The following ZNF729 variants were observed in gnomAD, a reference collection of about 807,000 sequenced individuals.
The protein encoded by ZNF729 is zinc finger protein 729.
In ZNF729, 15 loss-of-function variants were observed where a neutral mutation model predicts 12.2. The ratio of observed to expected loss-of-function variants is 1.23; its 90% CI spans 0.82 to 1.89. ZNF729 has a LOEUF of 1.89. Among genes scored for constraint, ZNF729 ranks in the 40% most tolerant of loss-of-function variants. The pLI is 0.00. For missense variants in ZNF729, 1,540 were observed against 1,456.7 expected, an observed-to-expected ratio of 1.06 and a Z score of -0.93; for synonymous variants, 492 against 476.3, an observed-to-expected ratio of 1.03 and a Z score of -0.43.
intron 3 of ZNF729, among the ~76,000 whole-genome samples, chr19:22,306,534 G>GT (rs1968380265): frequency 1.4e-5 from 2 of 145,642 alleles, no homozygotes; most frequent in Admixed American, 6.8e-5. Context: ...CTCATTTCTT[G>GT]TTTAACTATT....
chr19:22,292,649 T>G (rs1013888728), intron 1 of ZNF729, among the ~76,000 whole-genome samples: 5 of 152,050 alleles, frequency 3.3e-5, no homozygotes, highest in Non-Finnish European at 7.4e-5. Context: ...CCATGTTGTT[T>G]AGGCCTGTCT....
rs1464656053 is a variant in ZNF729, at chr19:22,315,899, G to A, written c.2482G>A (p.Glu828Lys). 6.2e-7 allele frequency: 1 copy of A among 1,611,116 alleles called. No individual in the cohort carries two copies. The highest frequency in any genetic ancestry group is 1.7e-5 in the Admixed American group (1 of 59,984). ...HTGEKPCKCE[E>K]CGKAFKHFSA... ...TGGAGAGAAACCCTGCAAATGTGAA[G>A]AATGTGGCAAAGCTTTTAAGCATTT... Residue 828 changes from glutamate (E) to lysine (K), a missense_variant, in exon 4 of 4, where the codon GAA (glutamate) becomes AAA (lysine). Coordinates refer to ENST00000601693, the MANE Select transcript of ZNF729 (RefSeq NM_001242680.2).
At chr19:22,307,408 T>C (rs1254881709) in intron 3 of ZNF729, among the ~76,000 whole-genome samples, 1 of 151,360 alleles carries the variant, frequency 6.6e-6, no homozygotes, top group Non-Finnish European at 1.5e-5. Flanking sequence ...TTTACTGTTT[T>C]TAAAGTAAAA....
At chr19:22,288,253 T>C (rs808371) in intron 1 of ZNF729, among the ~76,000 whole-genome samples, 92,157 of 151,590 alleles carry the variant, frequency 0.61, 28,284 homozygotes, top group Admixed American at 0.68. Context: ...AAATATTTCC[T>C]ATGAGAAGAA....
intron 3 of ZNF729, among the ~76,000 whole-genome samples, 197 bp from the exon 4 acceptor site, chr19:22,313,469 TACTTA>T (rs1382765944): frequency 1.3e-5 from 2 of 152,200 alleles, no homozygotes; most frequent in Non-Finnish European, 2.9e-5. Context: ...TTACTTGGGG[TACTTA>T]ACTTACATAT....
chr19:22,306,461 G>A (rs941728750), intron 3 of ZNF729, among the ~76,000 whole-genome samples: 1 of 148,726 alleles, frequency 6.7e-6, no homozygotes, highest in Non-Finnish European at 1.5e-5. Flanking sequence ...GAAAAGAAAA[G>A]AAATAAAGTT....
rs1385051547 is a variant in ZNF729 at position 22,300,671 on chromosome 19, A to G, written c.31-3087A>G. ...AGAGAAGCTAGATCAGAATTCTACAAACTTCACAGGGCAGCAATCAACCAT... is the reference window on the plus strand; with the variant it reads ...AGAGAAGCTAGATCAGAATTCTACAGACTTCACAGGGCAGCAATCAACCAT... On this transcript the variant is annotated intron_variant, in intron 1 of 3. Coordinates refer to ENST00000601693, the MANE Select transcript of ZNF729 (RefSeq NM_001242680.2). Among the ~76,000 whole-genome samples the G allele has an allele frequency of 2.6e-5, 4 of 152,190 alleles. No individual in the cohort carries two copies. In the East Asian group the frequency reaches 7.7e-4, roughly 29 times the overall value.
chr19:22,301,313 C>T (rs1968301221), intron 1 of ZNF729, among the ~76,000 whole-genome samples: 1 of 152,208 alleles, frequency 6.6e-6, no homozygotes, highest in Non-Finnish European at 1.5e-5. Context: ...TATTTGCTCC[C>T]AGGTTACAGT....
chr19:22,291,498 C>G (rs60740131), intron 1 of ZNF729, among the ~76,000 whole-genome samples: 1 of 152,130 alleles, frequency 6.6e-6, no homozygotes, highest in African/African-American at 2.4e-5. Context: ...GCCAAAAACT[C>G]ACAAAAGTGT....
intron 1 of ZNF729, among the ~76,000 whole-genome samples, chr19:22,288,611 G>A (rs1390984350): frequency 3.3e-5 from 5 of 152,054 alleles, no homozygotes; most frequent in Non-Finnish European, 7.4e-5. Flanking sequence ...GAATCTCCTG[G>A]CATACTCTTC....
chr19:22,316,941 T>C lies in ZNF729; in HGVS notation c.3524T>C (p.Leu1175Pro), dbSNP rs1968555992. ...CGKAFNQSSH[L>P]TRHKTIHTGE... ...AAAGCCTTTAACCAGTCCTCACACC[T>C]TACTAGACACAAAACAATTCATACT... Residue 1175 changes from leucine (L) to proline (P), a missense_variant, in exon 4 of 4, where the codon CTT becomes CCT. Coordinates refer to ENST00000601693, the MANE Select transcript of ZNF729 (RefSeq NM_001242680.2). 1.9e-6 allele frequency: 3 copies of C among 1,613,000 alleles called. No individual in the cohort carries two copies. The highest frequency in any genetic ancestry group is 2.5e-6 in the Non-Finnish European group (3 of 1,179,988).
At chr19:22,289,509 G>A (rs1269447272) in intron 1 of ZNF729, among the ~76,000 whole-genome samples, 1 of 152,168 alleles carries the variant, frequency 6.6e-6, no homozygotes, top group African/African-American at 2.4e-5. Flanking sequence ...ACAGGTGTGA[G>A]CCACTGCGCC....
chr19:22,313,375 A>G (rs1456407281), intron 3 of ZNF729, among the ~76,000 whole-genome samples: 1 of 152,212 alleles, frequency 6.6e-6, no homozygotes, highest in Non-Finnish European at 1.5e-5. Flanking sequence ...TAAAGAGCCT[A>G]TGCTATTTTT....
rs575832547 is a variant in ZNF729, at chr19:22,305,605, C to G, written c.253+822C>G. ...TATCAATTTTTGTCTCATACTAGTA[C>G]TTGACTTAAAGCATATTGTGTCCAA... On this transcript the variant is annotated intron_variant, in intron 3 of 3. Transcript: ENST00000601693. Among the ~76,000 whole-genome samples, 29 of 152,150 alleles carry G rather than the reference C, an allele frequency of 1.9e-4. No homozygotes were observed. In the South Asian group the frequency reaches 3.7e-3, roughly 20 times the overall value.
In ZNF729 at chr19:22,317,143, C is replaced by G. The variant is rs757333297; in HGVS notation, c.3726C>G (p.Pro1242=). ...AAACAATTCATACTGGAGAGAAACC[C>G]TACAAATGTGAAGAATGTGCCAAAG... ...LDKTIHTGEK[P]YKCEECAKAF is the part of the protein sequence containing the mutation. Residue 1242 remains proline, a synonymous_variant, in exon 4 of 4, where the codon CCC becomes CCG. Transcript: ENST00000601693. 1 of 1,600,470 alleles carries G rather than the reference C, an allele frequency of 6.2e-7. No individual in the cohort carries two copies. The highest frequency in any genetic ancestry group is 1.1e-5 in the South Asian group (1 of 89,970).
At position 22,316,297 on chromosome 19, in the gene ZNF729, G is replaced by A. The variant is rs1229072842; in HGVS notation, c.2880G>A (p.Gly960=). The A allele has an allele frequency of 6.2e-7, 1 of 1,611,904 alleles. No individual in the cohort carries two copies. The highest frequency in any genetic ancestry group is 8.5e-7 in the Non-Finnish European group (1 of 1,179,248). ...TGAAGCATAAGATAATTCATACTGG[G>A]AAGAAACCATACAAATGTGCAGAAT... ...TLMKHKIIHT[G]KKPYKCAECG... is the part of the protein sequence containing the mutation. The change falls in exon 4 of 4, where the codon GGG becomes GGA. Residue 960 remains glycine (G), a synonymous_variant. Transcript: ENST00000601693.
rs1297473740 is a variant in ZNF729 at position 22,314,086 on chromosome 19, T to C, written c.669T>C (p.Leu223=). ...AAGCCTTTAAATCGTTCTCAACCCT[T>C]ACTAAACATAAGATAATTCATACTG... is the stretch of plus-strand genomic sequence containing the variant. ...RGKAFKSFST[L]TKHKIIHTED... The change falls in exon 4 of 4, where the codon CTT becomes CTC. Residue 223 remains leucine (L), a synonymous_variant. Transcript: ENST00000601693. 1.3e-6 allele frequency: 2 copies of C among 1,546,240 alleles called. No individual in the cohort carries two copies. Among genetic ancestry groups the C allele is most frequent in the Non-Finnish European group, 1.7e-6 (2 of 1,146,866 alleles).
chr19:22,312,440 T>TTGTGTGTATGTGTGTG (rs756607431), intron 3 of ZNF729, among the ~76,000 whole-genome samples: 38 of 144,672 alleles, frequency 2.6e-4, no homozygotes, highest in African/African-American at 9.2e-4. Flanking sequence ...TTGTCTGAAA[T>TTGTGTGTATGTGTGTG]TGTGTGTGTG....
intron 1 of ZNF729, chr19:22,299,597 A>T (rs1968278528): frequency 6.6e-6 from 1 of 152,600 alleles, no homozygotes; most frequent in Admixed American, 6.6e-5. Context: ...GCTCAGACTG[A>T]GAGCTGTTTT....
Sources: gnomAD v4.1 joint callset for allele counts (sites outside exome capture counted in the v4.1 genomes callset) on GRCh38, gnomAD v4.1.1 for gene constraint, MANE v1.5 for transcripts, NCBI Gene and HGNC (gene_info 2026-07-23, HGNC 2026-07-21) for gene names.